The following ADAMTS12 variants were observed in gnomAD, a reference collection of about 807,000 sequenced individuals.
ADAMTS12 encodes ADAM metallopeptidase with thrombospondin type 1 motif 12, also known as A disintegrin and metalloproteinase with thrombospondin motifs 12.
A neutral mutation model predicts 167.8 loss-of-function variants in ADAMTS12; 118 were observed. The observed-to-expected ratio is 0.70, with a 90% confidence interval of 0.61 to 0.82. ADAMTS12 has a LOEUF of 0.82. ADAMTS12 is among the 40% of genes least tolerant of loss of function. The pLI, the probability that ADAMTS12 is intolerant of heterozygous loss-of-function variation, is 0.00. For synonymous variants in ADAMTS12, 704 were observed against 716.9 expected, an observed-to-expected ratio of 0.98 and a Z score of 0.29; for missense variants, 1,916 against 1,998.8, an observed-to-expected ratio of 0.96 and a Z score of 0.79.
At chr5:33,870,062 G>A (rs1281856498) in intron 2 of ADAMTS12, among the ~76,000 whole-genome samples, 1 of 152,094 alleles carries the variant, frequency 6.6e-6, no homozygotes, top group Non-Finnish European at 1.5e-5. Flanking sequence ...GAGAAATATG[G>A]CTCTGTCCTG....
intron 3 of ADAMTS12, among the ~76,000 whole-genome samples, chr5:33,731,255 G>A (rs748205102): frequency 2.7e-5 from 4 of 148,040 alleles, no homozygotes; most frequent in African/African-American, 5.0e-5. Context: ...GTGTGATCTC[G>A]GCTCACTGCA....
chr5:33,597,826 T>TG (rs1737981736), intron 16 of ADAMTS12, among the ~76,000 whole-genome samples: 1 of 150,860 alleles, frequency 6.6e-6, no homozygotes, highest in Admixed American at 6.6e-5. Context: ...CATTGGAGAG[T>TG]GGGGGAAAAA....
chr5:33,811,227 T>G (rs887033636), intron 2 of ADAMTS12, among the ~76,000 whole-genome samples: 2 of 152,174 alleles, frequency 1.3e-5, no homozygotes, highest in South Asian at 2.1e-4. Flanking sequence ...TGATCAACAC[T>G]AGAGCTTCCC....
intron 14 of ADAMTS12, among the ~76,000 whole-genome samples, chr5:33,623,865 C>A (rs926088044): frequency 4.6e-5 from 7 of 152,178 alleles, no homozygotes; most frequent in African/African-American, 1.7e-4. Flanking sequence ...TCTCTTCTCT[C>A]CCCTAGTTCT....
chr5:33,780,206 C>G (rs899913141), intron 2 of ADAMTS12, among the ~76,000 whole-genome samples: 1 of 152,074 alleles, frequency 6.6e-6, no homozygotes, highest in Non-Finnish European at 1.5e-5. Flanking sequence ...TAAAAATTTA[C>G]CTTAACAATT....
chr5:33,604,508 A>T (rs556292838), intron 16 of ADAMTS12, among the ~76,000 whole-genome samples: 14 of 27,194 alleles, frequency 5.1e-4, no homozygotes, highest in African/African-American at 1.8e-3. Flanking sequence ...TCTCAAAATT[A>T]AAAAAAAAGA....
chr5:33,786,878 A>AT (rs35039289), intron 2 of ADAMTS12, among the ~76,000 whole-genome samples: 17,315 of 152,206 alleles, frequency 0.11, 1,242 homozygotes, highest in Non-Finnish European at 0.15. Flanking sequence ...TAAACCAACA[A>AT]TTAAGATTCC....
intron 3 of ADAMTS12, among the ~76,000 whole-genome samples, chr5:33,747,289 C>T (rs1338271956): frequency 2.0e-5 from 3 of 152,104 alleles, no homozygotes; most frequent in Non-Finnish European, 4.4e-5. Flanking sequence ...AGCCACAAGC[C>T]ATAGATTTAG....
At chr5:33,701,757 C>CT (rs1743013519) in intron 3 of ADAMTS12, among the ~76,000 whole-genome samples, 1 of 152,176 alleles carries the variant, frequency 6.6e-6, no homozygotes. Flanking sequence ...AGGGTGGACC[C>CT]TCGTCTCCCA....
At chr5:33,629,616 G>T (rs927427587) in intron 13 of ADAMTS12, among the ~76,000 whole-genome samples, 1 of 152,138 alleles carries the variant, frequency 6.6e-6, no homozygotes, top group African/African-American at 2.4e-5. Flanking sequence ...TTGCACAAAG[G>T]CTATCACAAC....
chr5:33,621,547 G>A (rs369850475), intron 14 of ADAMTS12, among the ~76,000 whole-genome samples: 5 of 152,048 alleles, frequency 3.3e-5, no homozygotes, highest in South Asian at 2.1e-4. Flanking sequence ...CCACAAAAAC[G>A]GACTTTACTC....
At chr5:33,840,122 C>T (rs779437442) in intron 2 of ADAMTS12, 1 of 152,212 alleles carries the variant, frequency 6.6e-6, no homozygotes, top group Non-Finnish European at 1.5e-5. Context: ...GGAAGAAGTG[C>T]CCCAGAGGCA....
chr5:33,760,912 TG>T (rs1745330569), intron 2 of ADAMTS12, among the ~76,000 whole-genome samples: 1 of 151,330 alleles, frequency 6.6e-6, no homozygotes, highest in South Asian at 2.1e-4. Flanking sequence ...TGTGTGTGTG[TG>T]TGTGTGTGCG....
intron 3 of ADAMTS12, among the ~76,000 whole-genome samples, chr5:33,695,777 A>T (rs994937043): frequency 2.0e-5 from 3 of 152,290 alleles, no homozygotes; most frequent in African/African-American, 4.8e-5. Context: ...CTGGAGAGGG[A>T]TGGATGGTGA....
intron 2 of ADAMTS12, among the ~76,000 whole-genome samples, chr5:33,778,774 C>T (rs981258173): frequency 3.3e-5 from 5 of 151,828 alleles, no homozygotes; most frequent in South Asian, 2.1e-4. Flanking sequence ...ATCAGATATC[C>T]GATAAGGGGT....
At chr5:33,699,950 A>G (rs1742941271) in intron 3 of ADAMTS12, among the ~76,000 whole-genome samples, 2 of 152,236 alleles carry the variant, frequency 1.3e-5, no homozygotes, top group Non-Finnish European at 2.9e-5. Context: ...AAGTTAGTCA[A>G]CATCATTAGC....
In ADAMTS12 at chr5:33,680,391, T is replaced by C. The variant is rs866392204; in HGVS notation, c.915+2627A>G. On this transcript the variant is annotated intron_variant, in intron 5 of 23. Coordinates refer to ENST00000504830, the MANE Select transcript of ADAMTS12 (RefSeq NM_030955.4). The stretch of plus-strand genomic sequence containing the variant: ...GGCCTGATCCGTGGAAGCCACATTA[T>C]GAAATCCTACCAGTGGTGCTGCTGG... 3.3e-5 allele frequency among the ~76,000 whole-genome samples: 5 copies of C among 152,324 alleles called. No individual in the cohort carries two copies. The Middle Eastern group carries it at 0.017, about 518-fold the overall frequency.
chr5:33,554,603 A>T (rs1177050062), intron 20 of ADAMTS12, among the ~76,000 whole-genome samples: 1 of 152,220 alleles, frequency 6.6e-6, no homozygotes, highest in Non-Finnish European at 1.5e-5. Flanking sequence ...AAGCTCTCCT[A>T]TAACATACAA....
At chr5:33,773,157 A>T (rs7705691) in intron 2 of ADAMTS12, among the ~76,000 whole-genome samples, 54,744 of 151,996 alleles carry the variant, frequency 0.36, 10,956 homozygotes, top group East Asian at 0.58. Flanking sequence ...AAGAAGTGCA[A>T]CTGCTGCTTA....
Sources: allele counts gnomAD v4.1 joint callset (sites outside exome capture counted in the v4.1 genomes callset), GRCh38; gene constraint gnomAD v4.1.1; transcripts MANE v1.5; gene names NCBI Gene and HGNC (gene_info 2026-07-23, HGNC 2026-07-21).